The following ABCB5 variants were observed in gnomAD, a reference collection of about 807,000 sequenced individuals.
The protein encoded by ABCB5 is ATP-binding cassette sub-family B member 5.
ABCB5 carries 155 observed loss-of-function variants against 144.2 expected under a neutral mutation model. That is an observed-to-expected ratio of 1.08 (90% confidence interval 0.94 to 1.23). The LOEUF is 1.23. Ranked by LOEUF, ABCB5 falls within the 50% of genes most tolerant of loss-of-function variation. ABCB5 has a pLI of 0.00. For synonymous variants in ABCB5, 610 were observed against 528.6 expected (o/e 1.15, Z -2.11); for missense variants, 1,830 against 1,520.8 (o/e 1.20, Z -3.38).
intron 14 of ABCB5, among the ~76,000 whole-genome samples, chr7:20,666,031 G>T (rs775958761): frequency 2.6e-5 from 4 of 152,040 alleles, no homozygotes; most frequent in Non-Finnish European, 5.9e-5. Context: ...TTAGCCGGGC[G>T]TGGTGGCACA....
intron 13 of ABCB5, among the ~76,000 whole-genome samples, chr7:20,655,052 AAAAAAAAAGTATAACTGTAGC>A (rs1784729108): frequency 6.6e-6 from 1 of 151,728 alleles, no homozygotes; most frequent in Admixed American, 6.6e-5. Flanking sequence ...AAGATTAAAA[AAAAAAAAAGTATAACTGTAGC>A]AAAGCTGAAA....
At chr7:20,624,835 A>G (rs1783873404) in intron 2 of ABCB5, among the ~76,000 whole-genome samples, 1 of 152,230 alleles carries the variant, frequency 6.6e-6, no homozygotes, top group Non-Finnish European at 1.5e-5. Context: ...GCACAATGGA[A>G]TCAGTTTCCT....
chr7:20,693,907 G>C lies in ABCB5; in HGVS notation c.2011-4500G>C, dbSNP rs530642327. ...ACAAATCCTACAACTCAGATGAAAT[G>C]AGCAAATTCCCTAAAGTTTACAAAC... On this transcript the variant is annotated intron_variant, in intron 16 of 27. Coordinates refer to ENST00000404938, the MANE Select transcript of ABCB5 (RefSeq NM_001163941.2). Among the ~76,000 whole-genome samples the C allele has an allele frequency of 5.3e-5, 8 of 151,554 alleles. No homozygotes were observed. The South Asian group carries it at 1.7e-3, about 31-fold the overall frequency.
chr7:20,700,043 T>C lies in ABCB5; in HGVS notation c.2260-15T>C. 6 of 1,612,166 alleles carry C rather than the reference T, an allele frequency of 3.7e-6. No homozygotes were observed. Among genetic ancestry groups the C allele is most frequent in the Non-Finnish European group, 5.1e-6 (6 of 1,178,974 alleles). On this transcript the variant is annotated splice_polypyrimidine_tract_variant and intron_variant, in intron 18 of 27. Transcript: ENST00000404938. ...AAAGGAAAAGAACGTAGATTTTTGT[T>C]TGTTTGCTTTTCAGGGATTATTTTA...
chr7:20,747,034 T>C (rs994440017), intron 26 of ABCB5, among the ~76,000 whole-genome samples: 1 of 152,192 alleles, frequency 6.6e-6, no homozygotes, highest in Non-Finnish European at 1.5e-5. Flanking sequence ...AGTGCCTACA[T>C]GTACAAACAG....
chr7:20,704,785 T>C lies in ABCB5; in HGVS notation c.2399T>C (p.Ile800Thr). 1 of 1,613,420 alleles carries C rather than the reference T, an allele frequency of 6.2e-7. No homozygotes were observed. Among genetic ancestry groups the C allele is most frequent in the Non-Finnish European group, 8.5e-7 (1 of 1,179,530 alleles). Residue 800 changes from isoleucine (I) to threonine (T), a missense_variant, in exon 20 of 28, where the codon ATA (isoleucine) becomes ACA (threonine). Physicochemically the swap from Ile to Thr is moderately conservative, Grantham distance 89. Coordinates refer to ENST00000404938, the MANE Select transcript of ABCB5 (RefSeq NM_001163941.2). Reference protein sequence around the residue: ...STGGLTTILAIDIAQIQGATG... With the variant: ...STGGLTTILATDIAQIQGATG... ...GGAGGCTTGACAACAATATTAGCCA[T>C]AGATATAGCACAAATTCAAGGAGTA...
At chr7:20,660,181 T>G (rs1784957621) in intron 14 of ABCB5, 1 of 981,932 alleles carries the variant, frequency 1.0e-6, no homozygotes, top group Admixed American at 6.2e-5. Context: ...ATGAAACATC[T>G]ATCAAAAGTG....
chr7:20,620,246 A>G (rs983481331), intron 1 of ABCB5, among the ~76,000 whole-genome samples: 4 of 152,166 alleles, frequency 2.6e-5, no homozygotes, highest in Admixed American at 2.0e-4. Context: ...CATATAAAAA[A>G]CCAACTCAAA....
intron 5 of ABCB5, among the ~76,000 whole-genome samples, chr7:20,632,743 C>G (rs1784064610): frequency 6.6e-6 from 1 of 151,870 alleles, no homozygotes. Context: ...TCATCATTCT[C>G]AGTAAACTAT....
At chr7:20,634,473 T>C (rs1021101279) in intron 5 of ABCB5, among the ~76,000 whole-genome samples, 4 of 152,092 alleles carry the variant, frequency 2.6e-5, no homozygotes, top group African/African-American at 9.7e-5. Flanking sequence ...GAAATCTCTA[T>C]ACTGTTTTCC....
chr7:20,619,472 G>A (rs1464606953), intron 1 of ABCB5, among the ~76,000 whole-genome samples: 1 of 152,134 alleles, frequency 6.6e-6, no homozygotes, highest in Non-Finnish European at 1.5e-5. Context: ...TTGGCCACTT[G>A]TATGTCTTCT....
chr7:20,746,238 C>T (rs907976954), intron 26 of ABCB5, among the ~76,000 whole-genome samples: 2 of 152,284 alleles, frequency 1.3e-5, no homozygotes. Flanking sequence ...GCTGGGATTA[C>T]AGGCATGTGC....
In ABCB5 at chr7:20,648,049, T is replaced by G; in HGVS notation, c.1177T>G (p.Phe393Val). The change falls in exon 11 of 28, where the codon TTC (phenylalanine) becomes GTC (valine). Residue 393 changes from phenylalanine to valine, a missense_variant. Coordinates refer to ENST00000404938, the MANE Select transcript of ABCB5 (RefSeq NM_001163941.2). ...AACTGTGGAATTTAAAAATGTTTCT[T>G]TCAATTATCCATCAAGACCATCTAT... ...EGTVEFKNVS[F>V]NYPSRPSIKI... 1.2e-6 allele frequency: 2 copies of G among 1,608,868 alleles called. No individual in the cohort carries two copies. The highest frequency in any genetic ancestry group is 2.7e-5 in the African/African-American group (2 of 74,938).
intron 14 of ABCB5, among the ~76,000 whole-genome samples, chr7:20,669,740 A>AG (rs1202722444): frequency 0.058 from 6,710 of 114,896 alleles, 289 homozygotes; most frequent in African/African-American, 0.16. Context: ...AAAAAAAAAA[A>AG]AAAGAAAATA....
intron 25 of ABCB5, among the ~76,000 whole-genome samples, chr7:20,743,784 C>T (rs572961735): frequency 2.6e-5 from 4 of 152,198 alleles, no homozygotes; most frequent in African/African-American, 7.2e-5. Flanking sequence ...ACAGTCTTTT[C>T]GCCCTTACAG....
intron 26 of ABCB5, among the ~76,000 whole-genome samples, chr7:20,750,981 A>G (rs7788898): frequency 0.37 from 56,720 of 151,866 alleles, 10,991 homozygotes; most frequent in African/African-American, 0.47. Context: ...GGCAGCTCTC[A>G]GTCGAGCCAC....
Position 20,755,409 on chromosome 7 carries a change from G to C in ABCB5, c.3577-18G>C, listed in dbSNP as rs1026093974. 2.5e-6 allele frequency: 4 copies of C among 1,612,520 alleles called. No homozygotes were observed. In the African/African-American group the frequency reaches 4.0e-5, roughly 16 times the overall value. On this transcript the variant is annotated intron_variant, in intron 27 of 27. Coordinates refer to ENST00000404938, the MANE Select transcript of ABCB5 (RefSeq NM_001163941.2). ...CATCTAACTCAAACTGGTGATCACA[G>C]GTCTTTCTCTCTTCCAGGTGGTTCA...
intron 20 of ABCB5, among the ~76,000 whole-genome samples, chr7:20,720,814 C>CGG (rs1562578417): frequency 7.3e-5 from 11 of 151,572 alleles, no homozygotes; most frequent in African/African-American, 2.4e-4. Context: ...CATGGTGGTG[C>CGG]GCGCCTGTAG....
chr7:20,710,533 G>A (rs969908526), intron 20 of ABCB5, among the ~76,000 whole-genome samples: 2 of 149,020 alleles, frequency 1.3e-5, no homozygotes, highest in Non-Finnish European at 3.0e-5. Context: ...CTTATCTTAT[G>A]GACAATATAA....
Sources: allele counts gnomAD v4.1 joint callset (sites outside exome capture counted in the v4.1 genomes callset), GRCh38; gene constraint gnomAD v4.1.1; transcripts MANE v1.5; gene names NCBI Gene and HGNC (gene_info 2026-07-23, HGNC 2026-07-21).